CFAP47: variants seen among roughly 807,000 people sequenced by gnomAD.
The protein encoded by CFAP47 is cilia and flagella associated protein 47.
CFAP47 carries 29 observed loss-of-function variants against 148.1 expected under a neutral mutation model. The ratio of observed to expected loss-of-function variants is 0.20; its 90% CI spans 0.15 to 0.27. CFAP47 has a LOEUF of 0.27. CFAP47 is among the 10% of genes least tolerant of loss of function. The pLI is 1.00. For synonymous variants in CFAP47, 664 were observed against 577.3 expected, an observed-to-expected ratio of 1.15 and a Z score of -2.15; for missense variants, 1,872 against 1,697.5, an observed-to-expected ratio of 1.10 and a Z score of -1.81.
chrX:36,177,237 A>G (rs979224211), intron 39 of CFAP47, among the ~76,000 whole-genome samples: 9 of 112,108 alleles, frequency 8.0e-5, no homozygotes, highest in African/African-American at 2.9e-4. Flanking sequence ...ACACATGTAG[A>G]TTGCTATTTT....
At chrX:36,363,459 C>T (rs782123270) in intron 61 of CFAP47, among the ~76,000 whole-genome samples, 49 of 111,406 alleles carry the variant, frequency 4.4e-4, no homozygotes, top group Middle Eastern at 4.7e-3. Context: ...GTACAGTAAA[C>T]ATACAGTATT....
At chrX:35,972,027 G>A (rs1424498628) in intron 13 of CFAP47, 62 bp downstream of exon 13, 7 of 737,337 alleles carry the variant, frequency 9.5e-6, no homozygotes, top group Non-Finnish European at 1.4e-5. Flanking sequence ...ATTTCTTAAA[G>A]TGTAATTTAT....
chrX:35,924,482 T>TGTGCACCTATATGTGTATATAG (rs1228063478), intron 1 of CFAP47, among the ~76,000 whole-genome samples: 3 of 104,927 alleles, frequency 2.9e-5, no homozygotes, highest in African/African-American at 1.0e-4. Context: ...TGTGTATATA[T>TGTGCACCTATATGTGTATATAG]GTGCACCTAT....
At chrX:36,129,096 A>G (rs958383954) in intron 33 of CFAP47, among the ~76,000 whole-genome samples, 8 of 110,289 alleles carry the variant, frequency 7.3e-5, no homozygotes, top group African/African-American at 2.6e-4. Flanking sequence ...TTTTCTTTGT[A>G]GGATGATTTT....
At chrX:36,268,539 A>T (rs1388655973) in intron 49 of CFAP47, among the ~76,000 whole-genome samples, 1 of 112,763 alleles carries the variant, frequency 8.9e-6, no homozygotes, top group Non-Finnish European at 1.9e-5. Flanking sequence ...CCAGTGGCTG[A>T]TGAATCCACC....
At chrX:36,018,846 G>C (rs1328143964) in intron 22 of CFAP47, among the ~76,000 whole-genome samples, 1 of 109,000 alleles carries the variant, frequency 9.2e-6, no homozygotes. Flanking sequence ...TTTGGTATCA[G>C]AGGAATACTG....
chrX:36,004,421 A>C (rs1936956978), intron 21 of CFAP47, among the ~76,000 whole-genome samples: 1 of 111,451 alleles, frequency 9.0e-6, no homozygotes, highest in Admixed American at 9.7e-5. Flanking sequence ...AAGAAGGGAA[A>C]TGTGTATTCA....
intron 61 of CFAP47, among the ~76,000 whole-genome samples, chrX:36,364,370 A>G (rs782543163): frequency 9.1e-6 from 1 of 110,125 alleles, no homozygotes. Flanking sequence ...TTAGGAGTGT[A>G]TCATCTAGTG....
chrX:36,231,773 T>C (rs1940364189), intron 46 of CFAP47, among the ~76,000 whole-genome samples: 1 of 111,529 alleles, frequency 9.0e-6, no homozygotes, highest in African/African-American at 3.3e-5. Context: ...TCTTATTATT[T>C]TGAGATACAT....
At chrX:36,171,481 G>A (rs1004844613) in intron 39 of CFAP47, among the ~76,000 whole-genome samples, 10 of 105,864 alleles carry the variant, frequency 9.4e-5, no homozygotes, top group Non-Finnish European at 3.9e-5. Flanking sequence ...TGTATAAGGT[G>A]TAAGGAAGGG....
intron 46 of CFAP47, among the ~76,000 whole-genome samples, chrX:36,235,534 GA>G (rs1429912633): frequency 8.9e-6 from 1 of 112,440 alleles, no homozygotes; most frequent in Non-Finnish European, 1.9e-5. Flanking sequence ...CCCTTTCTTT[GA>G]CTAGGAAAGG....
intron 1 of CFAP47, among the ~76,000 whole-genome samples, chrX:35,924,232 TG>T (rs1219052407): frequency 1.1e-5 from 1 of 91,261 alleles, no homozygotes; most frequent in Admixed American, 1.2e-4. Context: ...TGTGTATATA[TG>T]GACATGTATG....
At chrX:36,300,580 C>T (rs1015504537) in intron 52 of CFAP47, among the ~76,000 whole-genome samples, 7 of 111,743 alleles carry the variant, frequency 6.3e-5, no homozygotes, top group Non-Finnish European at 9.4e-5. Context: ...TGAGCCACCA[C>T]GTCCGGTCCC....
intron 57 of CFAP47, among the ~76,000 whole-genome samples, chrX:36,322,239 TG>T (rs1556012125): frequency 1.8e-5 from 2 of 111,475 alleles, no homozygotes; most frequent in Non-Finnish European, 3.8e-5. Flanking sequence ...CCCATGGTTT[TG>T]TTTTCTTATT....
At chrX:36,271,261 CA>C (rs2146937815) in intron 49 of CFAP47, among the ~76,000 whole-genome samples, 1 of 111,137 alleles carries the variant, frequency 9.0e-6, no homozygotes, top group African/African-American at 3.3e-5. Context: ...ATACTTATAC[CA>C]AAACTTCTTG....
In CFAP47 at chrX:36,236,000, G is replaced by C; in HGVS notation, c.7081G>C (p.Val2361Leu). The change falls in exon 47 of 64, where the codon GTT (valine) becomes CTT (leucine). Residue 2361 changes from valine (V) to leucine (L), a missense_variant. By Grantham distance (32) the Val-to-Leu change is conservative (BLOSUM62 1). Coordinates refer to ENST00000378653, the MANE Select transcript of CFAP47 (RefSeq NM_001304548.2). ...AGAAGGAGAATGGTTTTATGGACCT[G>C]TTGATTTACATGTTGGACCAGATGA... ...TIEGEWFYGPVDLHVGPDEIV... is the reference protein window; with the variant it reads ...TIEGEWFYGPLDLHVGPDEIV... 1.9e-6 allele frequency: 1 copy of C among 515,030 alleles called. No homozygotes were observed. Among genetic ancestry groups the C allele is most frequent in the Non-Finnish European group, 3.5e-6 (1 of 282,832 alleles). 42.4% of individuals were successfully genotyped at this position (515,030 alleles called of 1,213,427 possible).
chrX:36,317,946 G>T (rs1299367446), intron 56 of CFAP47, among the ~76,000 whole-genome samples: 3 of 111,374 alleles, frequency 2.7e-5, no homozygotes, highest in Non-Finnish European at 5.7e-5. Flanking sequence ...TTTGGAACTT[G>T]TTTTATCTGA....
intron 62 of CFAP47, among the ~76,000 whole-genome samples, chrX:36,378,437 G>A (rs1256957588): frequency 8.9e-6 from 1 of 112,203 alleles, no homozygotes; most frequent in East Asian, 2.8e-4. Flanking sequence ...TAGCTTTGCT[G>A]GTCAGTCATT....
intron 1 of CFAP47, among the ~76,000 whole-genome samples, chrX:35,920,900 A>G (rs1180918122): frequency 8.9e-6 from 1 of 112,175 alleles, no homozygotes; most frequent in East Asian, 2.8e-4. Flanking sequence ...AAATTTACAT[A>G]TATTTCTTTG....
Sources: allele counts gnomAD v4.1 joint callset (sites outside exome capture counted in the v4.1 genomes callset), GRCh38; gene constraint gnomAD v4.1.1; transcripts MANE v1.5; gene names NCBI Gene and HGNC (gene_info 2026-07-23, HGNC 2026-07-21).